FNIP1: variants seen among roughly 807,000 people sequenced by gnomAD.
The protein encoded by FNIP1 is folliculin interacting protein 1, also known as folliculin-interacting protein 1.
Under a neutral mutation model 124.5 loss-of-function variants are expected in FNIP1, and 40 were observed. The observed-to-expected ratio is 0.32, with a 90% CI of 0.25 to 0.42. The LOEUF (loss-of-function observed/expected upper bound fraction) is 0.42, where lower values mean the gene tolerates loss of function less well. FNIP1 is among the 10% of genes least tolerant of loss of function. The pLI is 1.00. For synonymous variants in FNIP1, 472 were observed against 470.6 expected (o/e 1.00, Z -0.04); for missense variants, 1,176 against 1,403.7 (o/e 0.84, Z 2.59).
At chr5:131,699,197 A>G (rs1159665749) in intron 10 of FNIP1, among the ~76,000 whole-genome samples, 195 bp from the exon 11 acceptor site, 3 of 152,338 alleles carry the variant, frequency 2.0e-5, no homozygotes, top group East Asian at 3.9e-4. Flanking sequence ...ATGGTTGAAC[A>G]AAGTTCAAAA....
chr5:131,768,649 C>T (rs2149576372), intron 1 of FNIP1, among the ~76,000 whole-genome samples: 1 of 152,034 alleles, frequency 6.6e-6, no homozygotes, highest in South Asian at 2.1e-4. Context: ...ATCTCTACTA[C>T]AGATACAAAA....
At chr5:131,792,376 G>A (rs553108794) in intron 1 of FNIP1, among the ~76,000 whole-genome samples, 21 of 152,232 alleles carry the variant, frequency 1.4e-4, no homozygotes, top group African/African-American at 5.1e-4. Context: ...GGCCAGGCTG[G>A]TCTGGAACTC....
intron 1 of FNIP1, among the ~76,000 whole-genome samples, chr5:131,757,675 G>C (rs1159539333): frequency 2.0e-5 from 3 of 152,174 alleles, no homozygotes; most frequent in Admixed American, 6.5e-5. Context: ...GAAGAAAGTG[G>C]GGACACAAGG....
intron 2 of FNIP1, among the ~76,000 whole-genome samples, chr5:131,734,836 T>C (rs1434430728): frequency 1.3e-5 from 2 of 152,108 alleles, no homozygotes; most frequent in Admixed American, 6.5e-5. Context: ...TGTGGAGAAA[T>C]AGGAATGCTT....
chr5:131,657,570 G>A (rs1022035174), intron 15 of FNIP1, among the ~76,000 whole-genome samples: 7 of 151,842 alleles, frequency 4.6e-5, no homozygotes, highest in African/African-American at 1.2e-4. Context: ...ATGACAGTCC[G>A]AAGAATCACG....
intron 2 of FNIP1, among the ~76,000 whole-genome samples, chr5:131,732,431 T>C (rs968286088): frequency 2.6e-5 from 4 of 152,236 alleles, no homozygotes; most frequent in Non-Finnish European, 4.4e-5. Context: ...TGGTATTGCC[T>C]AGGTTTTCTT....
In FNIP1 at chr5:131,697,278, G is replaced by A. The variant is rs80242867; in HGVS notation, c.1202+1639C>T. ...CAGTGGTACGTAGTGTACACAATGT[G>A]GTATACAAATACACATTTATTATTA... is the stretch of plus-strand genomic sequence containing the variant. On this transcript the variant is annotated intron_variant, in intron 11 of 17. Coordinates refer to ENST00000510461, the MANE Select transcript of FNIP1 (RefSeq NM_133372.3). 3.6e-3 allele frequency among the ~76,000 whole-genome samples: 551 copies of A among 152,124 alleles called. 1 individual carries two copies. The highest frequency in any genetic ancestry group is 6.3e-3 in the Non-Finnish European group (428 of 67,978).
intron 17 of FNIP1, among the ~76,000 whole-genome samples, chr5:131,645,309 C>A (rs77639992): frequency 1.2e-3 from 156 of 132,300 alleles, no homozygotes; most frequent in Non-Finnish European, 1.2e-3. Flanking sequence ...GACCCTGTCT[C>A]AAAAAAAAAA....
At chr5:131,680,123 A>C (rs1394096152) in intron 11 of FNIP1, among the ~76,000 whole-genome samples, 1 of 152,214 alleles carries the variant, frequency 6.6e-6, no homozygotes, top group Non-Finnish European at 1.5e-5. Flanking sequence ...AGTATGACTA[A>C]GGAAGGGAAT....
At chr5:131,749,012 TA>T (rs1039227079) in intron 1 of FNIP1, among the ~76,000 whole-genome samples, 1 of 152,030 alleles carries the variant, frequency 6.6e-6, no homozygotes, top group South Asian at 2.1e-4. Context: ...ACAAAAAGGT[TA>T]AAAAAATTTA....
intron 1 of FNIP1, among the ~76,000 whole-genome samples, chr5:131,785,783 T>G (rs1017688940): frequency 6.6e-6 from 1 of 152,134 alleles, no homozygotes; most frequent in East Asian, 1.9e-4. Flanking sequence ...AGCAGGAAGA[T>G]AGCTTGAGCC....
At chr5:131,686,385 C>T (rs1768273014) in intron 11 of FNIP1, among the ~76,000 whole-genome samples, 1 of 152,166 alleles carries the variant, frequency 6.6e-6, no homozygotes, top group South Asian at 2.1e-4. Flanking sequence ...CACTTTGTCA[C>T]CCAGGCTGAA....
At chr5:131,653,708 T>C (rs756097240) in intron 15 of FNIP1, among the ~76,000 whole-genome samples, 12 of 152,346 alleles carry the variant, frequency 7.9e-5, no homozygotes, top group Non-Finnish European at 1.3e-4. Flanking sequence ...TACTTTTTAC[T>C]CTGTATATCT....
At chr5:131,648,363 C>A (rs1766952460) in intron 16 of FNIP1, among the ~76,000 whole-genome samples, 1 of 150,866 alleles carries the variant, frequency 6.6e-6, no homozygotes, top group Non-Finnish European at 1.5e-5. Context: ...AATTAACTTG[C>A]TCAATTTACT....
At chr5:131,665,975 C>A (rs1323077111) in intron 15 of FNIP1, among the ~76,000 whole-genome samples, 3 of 149,622 alleles carry the variant, frequency 2.0e-5, no homozygotes, top group Non-Finnish European at 4.4e-5. Context: ...GATCTCACCT[C>A]ACTGCAAGCT....
At chr5:131,727,220 G>A (rs919464536) in intron 3 of FNIP1, among the ~76,000 whole-genome samples, 14 of 152,182 alleles carry the variant, frequency 9.2e-5, no homozygotes, top group South Asian at 4.2e-4. Flanking sequence ...TTTCTGTCTC[G>A]TTGATCAGTC....
chr5:131,678,669 C>T (rs887359518), intron 12 of FNIP1, among the ~76,000 whole-genome samples: 1 of 152,186 alleles, frequency 6.6e-6, no homozygotes, highest in East Asian at 1.9e-4. Context: ...CTCAGCCTCC[C>T]AAAGTGCTGG....
At chr5:131,705,951 C>T (rs1470666389) in intron 9 of FNIP1, among the ~76,000 whole-genome samples, 5 of 151,978 alleles carry the variant, frequency 3.3e-5, no homozygotes, top group East Asian at 1.9e-4. Flanking sequence ...GCTACAACAT[C>T]GATAAACCTT....
At position 131,711,955 on chromosome 5, in the gene FNIP1, A is replaced by C. The variant is rs572281907; in HGVS notation, c.623-1294T>G. Among the ~76,000 whole-genome samples the C allele has an allele frequency of 2.2e-3, 330 of 152,298 alleles. 1 individual carries two copies. The highest frequency in any genetic ancestry group is 7.8e-3 in the African/African-American group (323 of 41,564). On this transcript the variant is annotated intron_variant, in intron 6 of 17. Transcript: ENST00000510461. ...TACTTTAAAAATTATCTACTTCTTC[A>C]AACTCCTTCCCTACCTCTTCTTCTC...
Sources: gnomAD v4.1 joint callset for allele counts (sites outside exome capture counted in the v4.1 genomes callset) on GRCh38, gnomAD v4.1.1 for gene constraint, MANE v1.5 for transcripts, NCBI Gene and HGNC (gene_info 2026-07-23, HGNC 2026-07-21) for gene names.